Variants in SH3BP2 observed in about 807,000 individuals in gnomAD.
SH3BP2 encodes the protein SH3 domain binding protein 2.
Under a neutral mutation model 56.2 loss-of-function variants are expected in SH3BP2, and 38 were observed. The ratio of observed to expected loss-of-function variants is 0.68; its 90% CI spans 0.52 to 0.89. The LOEUF (loss-of-function observed/expected upper bound fraction) is 0.89, where lower values mean the gene tolerates loss of function less well. Among genes scored for constraint, SH3BP2 ranks in the 40% least tolerant of loss-of-function variants. The pLI is 0.00. For missense variants in SH3BP2, 748 were observed against 762.6 expected (o/e 0.98, Z 0.23); for synonymous variants, 346 against 316.7 (o/e 1.09, Z -0.98).
At chr4:2,795,572 C>G (rs987476968) in intron 1 of SH3BP2, among the ~76,000 whole-genome samples, 6 of 152,128 alleles carry the variant, frequency 3.9e-5, no homozygotes, top group African/African-American at 1.4e-4. Context: ...GGGGAAAAGA[C>G]GGGGAATTTG....
intron 3 of SH3BP2, among the ~76,000 whole-genome samples, chr4:2,823,997 C>T (rs867690786): frequency 6.6e-6 from 1 of 152,260 alleles, no homozygotes; most frequent in Admixed American, 6.5e-5. Flanking sequence ...ATGCCATGAA[C>T]CCTGGGCCCA....
Position 2,831,822 on chromosome 4 carries a change from T to C in SH3BP2, c.1351-101T>C, listed in dbSNP as rs1283020352. The C allele has an allele frequency of 4.2e-6, 6 of 1,421,542 alleles. No homozygotes were observed. Among genetic ancestry groups the C allele is most frequent in the Admixed American group, 3.7e-5 (2 of 53,732 alleles). 88.1% of individuals were successfully genotyped at this position (1,421,542 alleles called of 1,614,324 possible). ...GGGAGCCTAGGGGGACACAGCACCATGTAAAGCCCCGGATCCCGGCACCGG... is the reference window on the plus strand; with the variant it reads ...GGGAGCCTAGGGGGACACAGCACCACGTAAAGCCCCGGATCCCGGCACCGG... On this transcript the variant is annotated intron_variant, in intron 9 of 12. Transcript: ENST00000503393. This position sits in a 1 kb window ranked among gnomAD's most constrained non-coding sequence, Gnocchi z 4.1.
rs1724101855 is a variant in SH3BP2, at chr4:2,818,325, G to C, written c.-4-2289G>C. 6.1e-6 allele frequency: 7 copies of C among 1,143,350 alleles called. No homozygotes were observed. The South Asian group carries it at 1.7e-4, about 28-fold the overall frequency. The allele number at this position is 1,143,350 out of a possible 1,614,324, so 70.8% of individuals were successfully genotyped here. On this transcript the variant is annotated intron_variant, in intron 1 of 12. Transcript: ENST00000503393. ...GGGGACGCGGCCCGGGGCCGTGCCG[G>C]TGCTCGCAGGGGAGGCGGGCGTGGA... is the stretch of plus-strand genomic sequence containing the variant.
intron 8 of SH3BP2, 54 bp downstream of exon 8, chr4:2,830,201 T>C: frequency 1.3e-6 from 2 of 1,526,248 alleles, no homozygotes; most frequent in Non-Finnish European, 1.8e-6. Context: ...GACCCTGGCC[T>C]GGCCTCTGAC....
chr4:2,807,022 C>T (rs1365344099), intron 1 of SH3BP2, among the ~76,000 whole-genome samples: 1 of 152,266 alleles, frequency 6.6e-6, no homozygotes, highest in Non-Finnish European at 1.5e-5. Flanking sequence ...GCCTGACCGT[C>T]TCTGCCTCCA....
rs1224216687 is a variant in SH3BP2, at chr4:2,830,007, C to T, written c.1101C>T (p.Pro367=). Residue 367 remains proline, a synonymous_variant, in exon 8 of 13, where the codon CCC becomes CCT. Coordinates refer to ENST00000503393, the MANE Select transcript of SH3BP2 (RefSeq NM_001122681.2). ...PKFLKIAEED[P]PREAAMPGLF... ...TCCTGAAGATAGCTGAAGAGGACCCCCCAAGGGAGGCAGCCATGCCCGGAC... is the reference window on the plus strand; with the variant it reads ...TCCTGAAGATAGCTGAAGAGGACCCTCCAAGGGAGGCAGCCATGCCCGGAC... 1.9e-6 allele frequency: 3 copies of T among 1,613,100 alleles called. No individual in the cohort carries two copies. Among genetic ancestry groups the T allele is most frequent in the Non-Finnish European group, 2.5e-6 (3 of 1,180,004 alleles).
intron 1 of SH3BP2, 104 bp from the exon 2 acceptor site, chr4:2,820,506 ACCCT>A: frequency 7.1e-7 from 1 of 1,413,626 alleles, no homozygotes; most frequent in South Asian, 1.2e-5. Context: ...TCATGGCCCT[ACCCT>A]CCAAGCTGTG....
Position 2,832,416 on chromosome 4 carries a change from G to A in SH3BP2, c.1488+4G>A, listed in dbSNP as rs1228120093. 1.9e-6 allele frequency: 3 copies of A among 1,613,244 alleles called. No individual in the cohort carries two copies. The African/African-American group carries it at 4.0e-5, about 22-fold the overall frequency. On this transcript the variant is annotated splice_donor_region_variant and intron_variant, in intron 11 of 12. Coordinates refer to ENST00000503393, the MANE Select transcript of SH3BP2 (RefSeq NM_001122681.2). The stretch of plus-strand genomic sequence containing the variant: ...CTCCTCTACCAAGTCGGGGAAGGTA[G>A]GCGCCAGGGGAAGATGCCCCAGGGC...
Position 2,829,126 on chromosome 4 carries a change from CCT to C in SH3BP2, c.587-366_587-365del, listed in dbSNP as rs886825126. Reference sequence around the variant, plus strand: ...ACCTTCCTCCCAGCTGCTCCCCTCCCCTGTCCTTGGGAATTCCGTCCTCCCTC... The same window carrying C: ...ACCTTCCTCCCAGCTGCTCCCCTCCCGTCCTTGGGAATTCCGTCCTCCCTC... On this transcript the variant is annotated intron_variant, in intron 7 of 12. Transcript: ENST00000503393. The surrounding 1 kb of genome is among the most constrained non-coding windows in gnomAD (Gnocchi z 4.9). Among the ~76,000 whole-genome samples the C allele has an allele frequency of 6.6e-6, 1 of 152,208 alleles. No individual in the cohort carries two copies. The highest frequency in any genetic ancestry group is 2.4e-5 in the African/African-American group (1 of 41,444).
At chr4:2,830,219 C>G (rs1724911028) in intron 8 of SH3BP2, 72 bp downstream of exon 8, 2 of 1,396,324 alleles carry the variant, frequency 1.4e-6, no homozygotes, top group African/African-American at 1.4e-5. Context: ...GACGGGCACT[C>G]TGCCCACCTC....
chr4:2,812,689 G>A (rs1034341364), intron 1 of SH3BP2, among the ~76,000 whole-genome samples: 4 of 152,162 alleles, frequency 2.6e-5, no homozygotes, highest in African/African-American at 9.6e-5. Flanking sequence ...GGCAGGCACA[G>A]GGGGAGGCCA....
intron 1 of SH3BP2, among the ~76,000 whole-genome samples, chr4:2,805,721 G>A (rs1723507513): frequency 6.6e-6 from 1 of 152,230 alleles, no homozygotes; most frequent in Non-Finnish European, 1.5e-5. Flanking sequence ...GGGCCCTGCC[G>A]TGGACTGAGC....
chr4:2,815,582 CAGG>C (rs1723958469), intron 1 of SH3BP2, among the ~76,000 whole-genome samples: 1 of 152,208 alleles, frequency 6.6e-6, no homozygotes, highest in Admixed American at 6.5e-5. Flanking sequence ...GGTGTGGAGC[CAGG>C]AGGAGGTGGT....
intron 1 of SH3BP2, among the ~76,000 whole-genome samples, chr4:2,802,627 T>C (rs572072283): frequency 7.5e-6 from 1 of 132,634 alleles, no homozygotes; most frequent in South Asian, 2.6e-4. Flanking sequence ...TATATGTGTA[T>C]GTATGTGGTG....
intron 4 of SH3BP2, 125 bp downstream of exon 4, chr4:2,824,855 A>T (rs1041771702): frequency 1.3e-6 from 1 of 798,894 alleles, no homozygotes; most frequent in Non-Finnish European, 2.1e-6. Flanking sequence ...GGCAAAGAGA[A>T]GGTGTGGCTG....
At chr4:2,832,946 G>A (rs775295625) in intron 11 of SH3BP2, 44 bp from the exon 12 acceptor site, 26 of 1,598,242 alleles carry the variant, frequency 1.6e-5, no homozygotes, top group South Asian at 5.5e-5. Flanking sequence ...GGCTGGTCCC[G>A]CTGTTTCTCA....
In SH3BP2 at chr4:2,831,993, C is replaced by G; in HGVS notation, c.1406+15C>G. ...GAAGTGGAAAGGTCAGCACAAAGCC[C>G]TGTGTGTGCTGGGTCCTCCGCCATG... On this transcript the variant is annotated intron_variant, in intron 10 of 12. Coordinates refer to ENST00000503393, the MANE Select transcript of SH3BP2 (RefSeq NM_001122681.2). The surrounding 1 kb of genome is among the most constrained non-coding windows in gnomAD (Gnocchi z 4.1). The G allele has an allele frequency of 1.9e-6, 3 of 1,612,162 alleles. No individual in the cohort carries two copies. Among genetic ancestry groups the G allele is most frequent in the East Asian group, 2.2e-5 (1 of 44,878 alleles).
In SH3BP2 at chr4:2,838,515, G is replaced by A. The variant is rs921657155; in HGVS notation, c.*4681G>A. Reference sequence around the variant, plus strand: ...AAAACTTCCATTGTTTGGCTGTATCGTAGTTCACAGATTCATTTCACTGTC... The same window carrying A: ...AAAACTTCCATTGTTTGGCTGTATCATAGTTCACAGATTCATTTCACTGTC... On this transcript the variant is annotated 3_prime_UTR_variant, in exon 13 of 13. Coordinates refer to ENST00000503393, the MANE Select transcript of SH3BP2 (RefSeq NM_001122681.2). 5 of 152,158 alleles carry A rather than the reference G, an allele frequency of 3.3e-5. No homozygotes were observed. Among genetic ancestry groups the A allele is most frequent in the African/African-American group, 9.7e-5 (4 of 41,416 alleles). The allele number at this position is 152,158 out of a possible 1,614,324, so 9.4% of individuals were successfully genotyped here. A position where few individuals can be genotyped will look rare whatever the true frequency, so the allele number is the denominator to read the frequency against.
intron 4 of SH3BP2, 127 bp from the exon 5 acceptor site, chr4:2,824,998 GT>G: frequency 1.2e-6 from 1 of 865,088 alleles, no homozygotes; most frequent in Non-Finnish European, 1.9e-6. Flanking sequence ...CAGCCATGTT[GT>G]ATCCAGCCGG....
Sources: allele counts gnomAD v4.1 joint callset (sites outside exome capture counted in the v4.1 genomes callset), GRCh38; gene constraint gnomAD v4.1.1; non-coding constraint Gnocchi (gnomAD v3.1); transcripts MANE v1.5; gene names NCBI Gene and HGNC (gene_info 2026-07-23, HGNC 2026-07-21).